Variants in FAAH2 observed in about 807,000 individuals in gnomAD.
The protein encoded by FAAH2 is fatty acid amide hydrolase 2, also known as fatty-acid amide hydrolase 2.
A neutral mutation model predicts 36.9 loss-of-function variants in FAAH2; 60 were observed. That is an observed-to-expected ratio of 1.63 (90% CI 1.32 to 2.02). The LOEUF is 2.02. Among genes scored for constraint, FAAH2 ranks in the 30% most tolerant of loss-of-function variants. The pLI, the probability that FAAH2 is intolerant of heterozygous loss-of-function variation, is 0.00. For missense variants in FAAH2, 689 were observed against 397.5 expected, an observed-to-expected ratio of 1.73 and a Z score of -6.23; for synonymous variants, 214 against 143.8, an observed-to-expected ratio of 1.49 and a Z score of -3.49.
chrX:57,158,519 GACTTTTTAATGATC>G, the FAAH2 span, among the ~76,000 whole-genome samples: 1 of 111,682 alleles, frequency 9.0e-6, no homozygotes, highest in African/African-American at 3.3e-5. Context: ...GTTGTTTCCT[GACTTTTTAATGATC>G]ACCATTCTAA....
intron 3 of FAAH2, among the ~76,000 whole-genome samples, chrX:57,318,466 A>G (rs772561763): frequency 8.1e-5 from 9 of 111,692 alleles, no homozygotes; most frequent in Non-Finnish European, 1.7e-4. Context: ...GTCTAAAGCA[A>G]ACCAGGAAGA....
At chrX:57,124,883 A>G in the FAAH2 span, among the ~76,000 whole-genome samples, 1 of 112,502 alleles carries the variant, frequency 8.9e-6, no homozygotes, top group East Asian at 2.8e-4. Context: ...GAAGTTGCTT[A>G]TCAGCTTAAA....
chrX:57,281,275 G>C, the FAAH2 span, among the ~76,000 whole-genome samples: 1 of 111,878 alleles, frequency 8.9e-6, no homozygotes, highest in African/African-American at 3.2e-5. Context: ...CTTAAAATAA[G>C]AAGTTTAATT....
chrX:57,328,629 C>A (rs1023396949), intron 3 of FAAH2, among the ~76,000 whole-genome samples: 1 of 111,824 alleles, frequency 8.9e-6, no homozygotes, highest in African/African-American at 3.3e-5. Context: ...GGAAGGAAAA[C>A]ACTCTGATTT....
chrX:57,274,033 A>G, the FAAH2 span, among the ~76,000 whole-genome samples: 1 of 111,584 alleles, frequency 9.0e-6, no homozygotes, highest in Admixed American at 9.5e-5. Context: ...TACAGAAGAA[A>G]AGAGAGAAGA....
intron 3 of FAAH2, among the ~76,000 whole-genome samples, chrX:57,324,930 G>T (rs1020147996): frequency 8.9e-6 from 1 of 112,120 alleles, no homozygotes; most frequent in African/African-American, 3.2e-5. Context: ...TTTCCAAAGG[G>T]AATACTTCCA....
intron 10 of FAAH2, among the ~76,000 whole-genome samples, chrX:57,478,966 T>C (rs1301381188): frequency 8.9e-6 from 1 of 111,750 alleles, no homozygotes; most frequent in East Asian, 2.8e-4. Flanking sequence ...GACTTGGCAA[T>C]GTGGGCTCTT....
chrX:57,315,607 A>G (rs773957363), intron 3 of FAAH2, among the ~76,000 whole-genome samples: 1 of 112,193 alleles, frequency 8.9e-6, no homozygotes, highest in African/African-American at 3.2e-5. Flanking sequence ...GGATCAACAT[A>G]TGCAAATCAT....
chrX:57,448,554 A>G lies in FAAH2; in HGVS notation c.1259A>G (p.Tyr420Cys). 8.3e-7 allele frequency: 1 copy of G among 1,211,428 alleles called. No individual in the cohort carries two copies. The highest frequency in any genetic ancestry group is 1.8e-5 in the South Asian group (1 of 56,921). Reference protein sequence around the residue: ...GLALLEEKLRYSNEKYQKFKA... With the variant: ...GLALLEEKLRCSNEKYQKFKA... The stretch of plus-strand genomic sequence containing the variant: ...GCTTTGTTGGAAGAAAAGCTCAGAT[A>G]TAGCAATGAGAAATACCAAAAGTTT... The change falls in exon 10 of 11, where the codon TAT becomes TGT. Residue 420 changes from tyrosine (Y) to cysteine (C), a missense_variant. Transcript: ENST00000374900.
chrX:57,385,788 G>T (rs1007326320), intron 7 of FAAH2, among the ~76,000 whole-genome samples: 1 of 110,472 alleles, frequency 9.1e-6, no homozygotes, highest in Non-Finnish European at 1.9e-5. Flanking sequence ...GGCGCCTGTA[G>T]TCCCAGCTAC....
intron 4 of FAAH2, among the ~76,000 whole-genome samples, chrX:57,334,298 A>ACACACACACACACACACAC (rs1569269177): frequency 2.7e-5 from 3 of 109,802 alleles, no homozygotes; most frequent in Non-Finnish European, 3.8e-5. Flanking sequence ...ACACACACAC[A>ACACACACACACACACACAC]AAGATGGGAG....
chrX:57,409,528 C>CT (rs2055648637), intron 7 of FAAH2, among the ~76,000 whole-genome samples: 2 of 110,466 alleles, frequency 1.8e-5, no homozygotes, highest in African/African-American at 3.3e-5. Flanking sequence ...CTGGGCTTAT[C>CT]TTTTTTTGGG....
upstream of FAAH2, among the ~76,000 whole-genome samples, chrX:57,283,975 G>A (rs754972943): frequency 8.9e-6 from 1 of 111,828 alleles, no homozygotes; most frequent in South Asian, 3.7e-4. Flanking sequence ...AAACAGTCTG[G>A]CCGCTTTTCC....
chrX:57,475,133 A>G (rs2057242577), intron 10 of FAAH2, among the ~76,000 whole-genome samples: 1 of 110,917 alleles, frequency 9.0e-6, no homozygotes, highest in Non-Finnish European at 1.9e-5. Flanking sequence ...CTTTTTTTCC[A>G]TTTTGTAGGT....
intron 7 of FAAH2, among the ~76,000 whole-genome samples, chrX:57,398,065 G>T (rs1045772662): frequency 2.6e-4 from 29 of 111,829 alleles, no homozygotes; most frequent in Admixed American, 1.7e-3. Context: ...ATTCCATGGT[G>T]TATATGTGCC....
the FAAH2 span, among the ~76,000 whole-genome samples, chrX:57,271,579 A>G: frequency 8.9e-6 from 1 of 112,256 alleles, no homozygotes; most frequent in Non-Finnish European, 1.9e-5. Flanking sequence ...ACAGACAGCA[A>G]TCTTTGCTGC....
At chrX:57,186,955 G>T in the FAAH2 span, among the ~76,000 whole-genome samples, 4 of 111,636 alleles carry the variant, frequency 3.6e-5, no homozygotes, top group Non-Finnish European at 7.5e-5. Flanking sequence ...ATGCTGTTTT[G>T]ATTACTGTAC....
the FAAH2 span, among the ~76,000 whole-genome samples, chrX:57,266,967 G>A: frequency 8.9e-6 from 1 of 112,211 alleles, no homozygotes; most frequent in African/African-American, 3.2e-5. Context: ...CACATCAGAT[G>A]GGGCTAGTCC....
chrX:57,486,823 T>C (rs2057482263), intron 10 of FAAH2, among the ~76,000 whole-genome samples: 1 of 111,816 alleles, frequency 8.9e-6, no homozygotes, highest in Admixed American at 9.5e-5. Flanking sequence ...ATGCAGCTGT[T>C]ATCTGTTCTG....
Sources: allele counts gnomAD v4.1 joint callset (sites outside exome capture counted in the v4.1 genomes callset), GRCh38; gene constraint gnomAD v4.1.1; transcripts MANE v1.5; gene names NCBI Gene and HGNC (gene_info 2026-07-23, HGNC 2026-07-21).